Variants in PCDHA3 observed in about 807,000 individuals in gnomAD.
PCDHA3 encodes the protein protocadherin alpha 3.
Under a neutral mutation model 62.2 loss-of-function variants are expected in PCDHA3, and 41 were observed. The ratio of observed to expected loss-of-function variants is 0.66; its 90% CI spans 0.51 to 0.86. The LOEUF is 0.86. Ranked by LOEUF, PCDHA3 falls within the 40% of genes least tolerant of loss-of-function variation. PCDHA3 has a pLI of 0.00. For missense variants in PCDHA3, 1,304 were observed against 1,241.2 expected, an observed-to-expected ratio of 1.05 and a Z score of -0.76; for synonymous variants, 640 against 555.4, an observed-to-expected ratio of 1.15 and a Z score of -2.14.
At position 140,803,316 on chromosome 5, in the gene PCDHA3, G is replaced by A; in HGVS notation, c.2119G>A (p.Val707Met). 6.2e-7 allele frequency: 1 copy of A among 1,614,138 alleles called. No homozygotes were observed. The highest frequency in any genetic ancestry group is 1.1e-5 in the South Asian group (1 of 91,092). ...GTACTTGATCGTCGCCATCTGCGCG[G>A]TGTCCAGTCTGTTGGTGCTCACACT... The part of the protein sequence containing the change: ...NVYLIVAICA[V>M]SSLLVLTLLL... Residue 707 changes from valine to methionine, a missense_variant, in exon 1 of 4, where the codon GTG becomes ATG. By Grantham distance (21) the Val-to-Met change is conservative. Transcript: ENST00000522353.
chr5:140,993,462 T>TCTCACACACACA (rs1235362335), intron 3 of PCDHA3, among the ~76,000 whole-genome samples: 1 of 140,938 alleles, frequency 7.1e-6, no homozygotes, highest in African/African-American at 2.6e-5. Context: ...TCTTTCTTTC[T>TCTCACACACACA]CACACACACA....
chr5:140,856,715 G>C, intron 1 of PCDHA3: 2 of 1,596,442 alleles, frequency 1.3e-6, no homozygotes, highest in African/African-American at 1.3e-5. Flanking sequence ...TGAATTTACC[G>C]GATCTGTTTC....
Position 140,968,634 on chromosome 5 carries a change from A to G in PCDHA3, c.2395-10315A>G, listed in dbSNP as rs782166097. ...GGGCAAAATGCTTGGCTTTTTTACC[A>G]TCTAGCCCAGACTTCTGACCTGGAC... On this transcript the variant is annotated intron_variant, in intron 1 of 3. Coordinates refer to ENST00000522353, the MANE Select transcript of PCDHA3 (RefSeq NM_018906.3). 14 of 1,614,176 alleles carry G rather than the reference A, an allele frequency of 8.7e-6. 1 individual carries two copies. The South Asian group carries it at 1.3e-4, about 15-fold the overall frequency.
intron 1 of PCDHA3, chr5:140,883,596 T>C: frequency 1.2e-6 from 2 of 1,613,794 alleles, no homozygotes; most frequent in East Asian, 4.5e-5. Context: ...AGCGTGTCGG[T>C]GGGGGTGGCC....
At position 140,843,028 on chromosome 5, in the gene PCDHA3, G is replaced by A. The variant is rs2150350487; in HGVS notation, c.2394+39437G>A. 21 of 1,595,152 alleles carry A rather than the reference G, an allele frequency of 1.3e-5. 1 individual carries two copies. Among genetic ancestry groups the A allele is most frequent in the Non-Finnish European group, 1.7e-5 (20 of 1,165,462 alleles). ...ACGCGCCGGCACTGCTGGAGCCTCG[G>A]GTGGGTGGCACTGGTGGCGCAGCGA... On this transcript the variant is annotated intron_variant, in intron 1 of 3. Transcript: ENST00000522353.
intron 1 of PCDHA3, chr5:140,881,499 C>A: frequency 3.8e-6 from 1 of 261,884 alleles, no homozygotes; most frequent in Non-Finnish European, 5.9e-6. Context: ...TGCACATACA[C>A]ACACTCACAT....
chr5:140,857,951 G>T (rs569786768), intron 1 of PCDHA3: 15 of 1,597,274 alleles, frequency 9.4e-6, no homozygotes, highest in East Asian at 2.2e-5. Flanking sequence ...TACGACGCGC[G>T]CTCTGGATGA....
rs1554262808 is a variant in PCDHA3, at chr5:141,010,232, A to T, written c.*295A>T. On this transcript the variant is annotated 3_prime_UTR_variant, in exon 4 of 4. Coordinates refer to ENST00000522353, the MANE Select transcript of PCDHA3 (RefSeq NM_018906.3). ...AAAGGAGAGGCTTCCCAGCCCCGCC[A>T]GTGAGAGGTTGGACTCTCTGCCCTG... 6.4e-7 allele frequency: 1 copy of T among 1,551,952 alleles called. No homozygotes were observed. The highest frequency in any genetic ancestry group is 2.0e-5 in the Admixed American group (1 of 51,018).
At position 140,805,409 on chromosome 5, in the gene PCDHA3, G is replaced by A. The variant is rs1051892117; in HGVS notation, c.2394+1818G>A. ...TGGTTTCTGTTTGATTCAGAAATTT[G>A]GTGGGTTTTTTGTTGTTGTTTTGGT... On this transcript the variant is annotated intron_variant, in intron 1 of 3. Coordinates refer to ENST00000522353, the MANE Select transcript of PCDHA3 (RefSeq NM_018906.3). 18 of 1,074,696 alleles carry A rather than the reference G, an allele frequency of 1.7e-5. No homozygotes were observed. In the African/African-American group the frequency reaches 3.0e-4, roughly 18 times the overall value. The allele number at this position is 1,074,696 out of a possible 1,614,324, so 66.6% of individuals were successfully genotyped here. A position where few individuals can be genotyped will look rare whatever the true frequency, so the allele number is the denominator to read the frequency against.
intron 1 of PCDHA3, chr5:140,827,874 A>C: frequency 1.6e-6 from 1 of 638,432 alleles, no homozygotes; most frequent in South Asian, 2.0e-5. Flanking sequence ...TAGCACTGTT[A>C]CGTGAATTGA....
At position 141,005,728 on chromosome 5, in the gene PCDHA3, A is replaced by T. The variant is rs574255915; in HGVS notation, c.2543-3899A>T. On this transcript the variant is annotated intron_variant, in intron 3 of 3. Coordinates refer to ENST00000522353, the MANE Select transcript of PCDHA3 (RefSeq NM_018906.3). ...AAAAAAAAAAAAAAAAAAAAAAAAA[A>T]AAAGAATGGATGAGAAATCATTCAA... Among the ~76,000 whole-genome samples the T allele has an allele frequency of 1.3e-4, 19 of 150,362 alleles. No homozygotes were observed. The South Asian group carries it at 1.7e-3, about 13-fold the overall frequency.
At chr5:140,923,577 G>C (rs1456273088) in intron 1 of PCDHA3, among the ~76,000 whole-genome samples, 3 of 152,196 alleles carry the variant, frequency 2.0e-5, no homozygotes, top group Non-Finnish European at 4.4e-5. Context: ...CTGCTAAAGA[G>C]AAGGTTTGTT....
intron 1 of PCDHA3, chr5:140,855,838 A>G (rs1554147969): frequency 1.6e-6 from 1 of 616,858 alleles, no homozygotes. Flanking sequence ...TCGTACTTAC[A>G]CCTAAAGCCA....
At chr5:140,814,806 T>TAA (rs1765594880) in intron 1 of PCDHA3, 1 of 152,196 alleles carries the variant, frequency 6.6e-6, no homozygotes, top group East Asian at 1.9e-4. Context: ...ACACTTGACT[T>TAA]TATTGTATTG....
At chr5:140,985,974 C>T (rs562510809) in intron 3 of PCDHA3, among the ~76,000 whole-genome samples, 3 of 152,198 alleles carry the variant, frequency 2.0e-5, no homozygotes, top group Admixed American at 1.3e-4. Context: ...CTCCTGACCT[C>T]GTGATCCGCC....
chr5:140,952,417 C>T (rs2153696080), intron 1 of PCDHA3, among the ~76,000 whole-genome samples: 1 of 152,190 alleles, frequency 6.6e-6, no homozygotes, highest in Non-Finnish European at 1.5e-5. Flanking sequence ...TAATGTTCCG[C>T]AGATTCCTAC....
rs560256618 is a variant in PCDHA3 at position 140,999,889 on chromosome 5, C to T, written c.2543-9738C>T. Among the ~76,000 whole-genome samples the T allele has an allele frequency of 2.0e-5, 3 of 152,292 alleles. No homozygotes were observed. In the East Asian group the frequency reaches 5.8e-4, roughly 29 times the overall value. ...TTACTGAAAATTAGCCCAGCTGTAG[C>T]TTGGGACACCAAACAGCCAAAAAAT... On this transcript the variant is annotated intron_variant, in intron 3 of 3. Coordinates refer to ENST00000522353, the MANE Select transcript of PCDHA3 (RefSeq NM_018906.3).
intron 1 of PCDHA3, chr5:140,866,875 A>C (rs2049624381): frequency 6.6e-6 from 1 of 152,142 alleles, no homozygotes; most frequent in Admixed American, 6.5e-5. Flanking sequence ...ACTTCTTGGT[A>C]TTAGCCTATA....
chr5:140,834,220 A>C lies in PCDHA3; in HGVS notation c.2394+30629A>C, dbSNP rs2150214297. ...TACCGCAAATTCTTTCGTAATCAGC[A>C]AAAGGAAGTCATTCCTTTTCGCACT... On this transcript the variant is annotated intron_variant, in intron 1 of 3. Transcript: ENST00000522353. 3,272 of 686,096 alleles carry C rather than the reference A, an allele frequency of 4.8e-3. 83 individuals carry two copies. In the African/African-American group the frequency reaches 0.051, roughly 11 times the overall value. 42.5% of individuals were successfully genotyped at this position (686,096 alleles called of 1,614,324 possible).
Sources: allele counts gnomAD v4.1 joint callset (sites outside exome capture counted in the v4.1 genomes callset), GRCh38; gene constraint gnomAD v4.1.1; transcripts MANE v1.5; gene names NCBI Gene and HGNC (gene_info 2026-07-23, HGNC 2026-07-21).